The following ENTREP2 variants were observed in gnomAD, a reference collection of about 807,000 sequenced individuals.
ENTREP2 encodes the protein endosomal transmembrane epsin interactor 2.
At chr15:29,335,677 G>A in the ENTREP2 span, among the ~76,000 whole-genome samples, 1 of 152,186 alleles carries the variant, frequency 6.6e-6, no homozygotes, top group South Asian at 2.1e-4. Flanking sequence ...GCCCCAGCCA[G>A]AGGTCAGCCA....
chr15:29,170,057 C>T, the ENTREP2 span, among the ~76,000 whole-genome samples: 58 of 152,084 alleles, frequency 3.8e-4, no homozygotes, highest in African/African-American at 1.3e-3. Context: ...CCTGTAATCC[C>T]AGCACTTTGG....
chr15:29,331,771 A>G, the ENTREP2 span, among the ~76,000 whole-genome samples: 6 of 152,226 alleles, frequency 3.9e-5, no homozygotes, highest in Non-Finnish European at 7.3e-5. Flanking sequence ...AAGAAAATAA[A>G]GCACAAAAGC....
chr15:29,297,785 G>A, the ENTREP2 span, among the ~76,000 whole-genome samples: 10 of 152,222 alleles, frequency 6.6e-5, no homozygotes, highest in Admixed American at 4.6e-4. Context: ...GAATCCATGC[G>A]GGGTCTACAG....
At chr15:29,489,889 T>A in the ENTREP2 span, among the ~76,000 whole-genome samples, 6,160 of 152,310 alleles carry the variant, frequency 0.04, 397 homozygotes, top group African/African-American at 0.14. Flanking sequence ...CTGATGCTTT[T>A]GATGCATCCT....
chr15:29,268,690 C>G, the ENTREP2 span: 3 of 1,225,214 alleles, frequency 2.4e-6, no homozygotes, highest in Non-Finnish European at 3.4e-6. Context: ...GAAGCGTTTA[C>G]AGCAATATGC....
chr15:29,476,642 C>T, the ENTREP2 span, among the ~76,000 whole-genome samples: 1 of 152,210 alleles, frequency 6.6e-6, no homozygotes, highest in Non-Finnish European at 1.5e-5. Context: ...CACTTCTGGA[C>T]CTGAGGACAG....
chr15:29,485,333 C>T, the ENTREP2 span, among the ~76,000 whole-genome samples: 3 of 152,228 alleles, frequency 2.0e-5, no homozygotes, highest in South Asian at 4.2e-4. Context: ...CAGCAGCATT[C>T]CCAGTGCAGG....
At chr15:29,327,316 G>A in the ENTREP2 span, among the ~76,000 whole-genome samples, 34 of 152,112 alleles carry the variant, frequency 2.2e-4, no homozygotes, top group Non-Finnish European at 3.7e-4. Context: ...GTGGCTGGGC[G>A]CGGTGGCTCA....
At chr15:29,196,909 G>C in the ENTREP2 span, among the ~76,000 whole-genome samples, 1 of 152,308 alleles carries the variant, frequency 6.6e-6, no homozygotes, top group East Asian at 1.9e-4. Context: ...TCCTAGCTCT[G>C]TGCCTTGGCT....
At chr15:29,302,934 G>A in the ENTREP2 span, among the ~76,000 whole-genome samples, 1 of 152,238 alleles carries the variant, frequency 6.6e-6, no homozygotes, top group East Asian at 1.9e-4. Flanking sequence ...GCCGCCTGCT[G>A]AGGATCCTGA....
the ENTREP2 span, among the ~76,000 whole-genome samples, chr15:29,366,327 G>C: frequency 1.3e-5 from 2 of 152,092 alleles, no homozygotes; most frequent in African/African-American, 4.8e-5. Context: ...CACCCGCCTC[G>C]GCCTCCCAAA....
the ENTREP2 span, among the ~76,000 whole-genome samples, chr15:29,450,879 C>T: frequency 2.0e-5 from 3 of 152,154 alleles, no homozygotes; most frequent in East Asian, 3.9e-4. Flanking sequence ...CATGTTCTCA[C>T]TTAAAAGCGG....
chr15:29,228,439 G>A, the ENTREP2 span, among the ~76,000 whole-genome samples: 31 of 152,304 alleles, frequency 2.0e-4, no homozygotes, highest in South Asian at 6.2e-4. Context: ...ATCAGGGGCT[G>A]GGGAAGCAGA....
the ENTREP2 span, among the ~76,000 whole-genome samples, chr15:29,281,826 G>A: frequency 0.53 from 80,657 of 152,078 alleles, 23,686 homozygotes; most frequent in Non-Finnish European, 0.68. Flanking sequence ...TGGTGAAGCC[G>A]TGCCAACCCA....
the ENTREP2 span, among the ~76,000 whole-genome samples, chr15:29,642,413 G>C: frequency 1.3e-5 from 2 of 149,624 alleles, no homozygotes; most frequent in African/African-American, 2.5e-5. Flanking sequence ...TTTTCAACTG[G>C]GTGTGGGGAA....
chr15:29,345,135 C>T, the ENTREP2 span, among the ~76,000 whole-genome samples: 151 of 152,156 alleles, frequency 9.9e-4, 1 homozygote, highest in African/African-American at 2.8e-3. Context: ...GTGCCCGTAC[C>T]GTAGGTAGTA....
the ENTREP2 span, among the ~76,000 whole-genome samples, chr15:29,564,712 T>A: frequency 6.6e-6 from 1 of 152,160 alleles, no homozygotes. Flanking sequence ...CACCTGTCAA[T>A]AGTTTCTTTC....
chr15:29,269,607 C>A, the ENTREP2 span: 1 of 1,561,938 alleles, frequency 6.4e-7, no homozygotes, highest in Non-Finnish European at 8.6e-7. Context: ...GGGCGTCTTC[C>A]CCGGCCCGCG....
the ENTREP2 span, among the ~76,000 whole-genome samples, chr15:29,504,331 A>C: frequency 6.6e-6 from 1 of 152,238 alleles, no homozygotes; most frequent in Non-Finnish European, 1.5e-5. Flanking sequence ...TATGCAGATC[A>C]ACCCACATGG....
Sources: allele counts gnomAD v4.1 joint callset (sites outside exome capture counted in the v4.1 genomes callset), GRCh38; gene constraint gnomAD v4.1.1; transcripts MANE v1.5; gene names NCBI Gene and HGNC (gene_info 2026-07-23, HGNC 2026-07-21).